EPM2A: variants seen among roughly 807,000 people sequenced by gnomAD.
The protein encoded by EPM2A is laforin.
Under a neutral mutation model 26.5 loss-of-function variants are expected in EPM2A, and 21 were observed. That is an observed-to-expected ratio of 0.79 (90% CI 0.56 to 1.14). The LOEUF (loss-of-function observed/expected upper bound fraction) is 1.14, where lower values mean the gene tolerates loss of function less well. Ranked by LOEUF, EPM2A falls within the 50% of genes most tolerant of loss-of-function variation. The probability of loss-of-function intolerance (pLI) is 0.00; values close to 1 mark genes in which losing one functional copy is unlikely to be tolerated. For missense variants in EPM2A, 458 were observed against 440.8 expected (o/e 1.04, Z -0.35); for synonymous variants, 217 against 177.6 (o/e 1.22, Z -1.76).
rs562553989 is a variant in EPM2A at position 145,661,552 on chromosome 6, TAATAC to T, written c.476+24565_476+24569del. 6.6e-5 allele frequency among the ~76,000 whole-genome samples: 10 copies of T among 152,318 alleles called. No homozygotes were observed. In the East Asian group the frequency reaches 1.2e-3, roughly 18 times the overall value. On this transcript the variant is annotated intron_variant, in intron 2 of 3. Coordinates refer to ENST00000367519, the MANE Select transcript of EPM2A (RefSeq NM_005670.4). ...TAAGCTGAAAAGCTTTCACAGTACT[TAATAC>T]AATACTGGGAAAATGGTATGTAATC...
At chr6:145,418,397 G>A (rs564893972) in intron 4 of EPM2A, among the ~76,000 whole-genome samples, 7 of 152,176 alleles carry the variant, frequency 4.6e-5, no homozygotes, top group Non-Finnish European at 8.8e-5. Flanking sequence ...CTGGGTGCAG[G>A]TGAGGGGAAA....
intron 2 of EPM2A, among the ~76,000 whole-genome samples, chr6:145,561,585 A>G (rs547285941): frequency 6.1e-4 from 93 of 152,260 alleles, no homozygotes; most frequent in South Asian, 1.9e-3. Context: ...CTTATAAATG[A>G]TAGCCATGAG....
chr6:145,673,710 G>C (rs1308019122), intron 2 of EPM2A, among the ~76,000 whole-genome samples: 1 of 152,186 alleles, frequency 6.6e-6, no homozygotes, highest in Non-Finnish European at 1.5e-5. Context: ...AGAGGCTGCA[G>C]CCTGGTGGGG....
intron 2 of EPM2A, among the ~76,000 whole-genome samples, chr6:145,549,474 AAC>A (rs1780626036): frequency 6.6e-6 from 1 of 152,136 alleles, no homozygotes; most frequent in Non-Finnish European, 1.5e-5. Flanking sequence ...AAGTAATTGG[AAC>A]AGAGTATTCA....
chr6:145,717,236 G>C (rs368440047), intron 1 of EPM2A, among the ~76,000 whole-genome samples: 2 of 152,120 alleles, frequency 1.3e-5, no homozygotes, highest in Non-Finnish European at 2.9e-5. Context: ...CTGGCAAACC[G>C]AATTCAGCAG....
intron 1 of EPM2A, among the ~76,000 whole-genome samples, 157 bp from the exon 2 acceptor site, chr6:145,686,453 A>AT (rs1780920160): frequency 1.3e-5 from 2 of 152,168 alleles, no homozygotes; most frequent in African/African-American, 4.8e-5. Flanking sequence ...AGAGTGAAAA[A>AT]CAGAACGGTA....
intron 2 of EPM2A, among the ~76,000 whole-genome samples, chr6:145,607,542 G>A (rs1463121201): frequency 1.3e-5 from 2 of 152,132 alleles, no homozygotes; most frequent in East Asian, 3.9e-4. Flanking sequence ...AAACAATGCC[G>A]ACCACACAAT....
rs151290621 is a variant in EPM2A at position 145,673,040 on chromosome 6, C to T, written c.476+13082G>A. Reference sequence around the variant, plus strand: ...ACCAGAGGAAATCCTCTAATGTGAGCTATTGAGACAAACCGAAGAGAAAAA... The same window carrying T: ...ACCAGAGGAAATCCTCTAATGTGAGTTATTGAGACAAACCGAAGAGAAAAA... On this transcript the variant is annotated intron_variant, in intron 2 of 3. Coordinates refer to ENST00000367519, the MANE Select transcript of EPM2A (RefSeq NM_005670.4). Among the ~76,000 whole-genome samples the T allele has an allele frequency of 2.1e-3, 317 of 151,790 alleles. No individual in the cohort carries two copies. In the East Asian group the frequency reaches 0.033, roughly 16 times the overall value.
chr6:145,431,450 C>T (rs1778920390), intron 4 of EPM2A, among the ~76,000 whole-genome samples: 1 of 152,078 alleles, frequency 6.6e-6, no homozygotes, highest in South Asian at 2.1e-4. Flanking sequence ...CATGGAAAGG[C>T]AAATATTGCA....
chr6:145,481,695 G>T (rs1387542972), intron 4 of EPM2A, among the ~76,000 whole-genome samples: 1 of 152,068 alleles, frequency 6.6e-6, no homozygotes, highest in African/African-American at 2.4e-5. Context: ...TGCTGAAACT[G>T]TAGGATATAA....
intron 2 of EPM2A, among the ~76,000 whole-genome samples, chr6:145,561,316 A>G (rs1238428875): frequency 2.0e-5 from 3 of 152,112 alleles, no homozygotes; most frequent in African/African-American, 7.2e-5. Flanking sequence ...GCTATTGTGT[A>G]AGTATACTCT....
At chr6:145,550,332 T>C (rs1780637752) in intron 2 of EPM2A, among the ~76,000 whole-genome samples, 1 of 152,044 alleles carries the variant, frequency 6.6e-6, no homozygotes, top group Non-Finnish European at 1.5e-5. Flanking sequence ...CTCCTTTAAG[T>C]AGCCTATATC....
intron 4 of EPM2A, among the ~76,000 whole-genome samples, chr6:145,435,160 T>A (rs1205655336): frequency 6.6e-6 from 1 of 152,102 alleles, no homozygotes; most frequent in Non-Finnish European, 1.5e-5. Flanking sequence ...TTTAAAAAGA[T>A]GTAACTAAAA....
intron 2 of EPM2A, among the ~76,000 whole-genome samples, chr6:145,586,433 A>C (rs892038146): frequency 2.0e-5 from 3 of 152,204 alleles, no homozygotes; most frequent in Non-Finnish European, 2.9e-5. Context: ...TGCCATATGG[A>C]ATAAGTAAGC....
chr6:145,710,559 G>A (rs1014895949), intron 1 of EPM2A, among the ~76,000 whole-genome samples: 7 of 152,190 alleles, frequency 4.6e-5, no homozygotes, highest in Admixed American at 6.5e-5. Flanking sequence ...GGAAGTCAGT[G>A]TGGCGATTCC....
At chr6:145,603,835 T>A (rs1781448002) in intron 2 of EPM2A, among the ~76,000 whole-genome samples, 1 of 152,180 alleles carries the variant, frequency 6.6e-6, no homozygotes, top group Non-Finnish European at 1.5e-5. Flanking sequence ...CTGCCATGAA[T>A]CCCAAATGGC....
downstream of EPM2A, among the ~76,000 whole-genome samples, chr6:145,499,677 A>G (rs565026419): frequency 5.4e-4 from 82 of 152,368 alleles, 1 homozygote; most frequent in South Asian, 0.017. Context: ...TGGCTTTTAG[A>G]TAGGAGTCTT....
intron 4 of EPM2A, among the ~76,000 whole-genome samples, chr6:145,465,916 A>C (rs552114795): frequency 1.3e-5 from 2 of 151,778 alleles, no homozygotes; most frequent in African/African-American, 4.8e-5. Context: ...AAATGGTGCT[A>C]GGAAAACTGG....
At chr6:145,664,773 C>T (rs1779032186) in intron 2 of EPM2A, among the ~76,000 whole-genome samples, 1 of 151,574 alleles carries the variant, frequency 6.6e-6, no homozygotes, top group South Asian at 2.1e-4. Flanking sequence ...GTAAAGCTCT[C>T]CTCAGCAAAT....
Sources: gnomAD v4.1 joint callset for allele counts (sites outside exome capture counted in the v4.1 genomes callset) on GRCh38, gnomAD v4.1.1 for gene constraint, MANE v1.5 for transcripts, NCBI Gene and HGNC (gene_info 2026-07-23, HGNC 2026-07-21) for gene names.